Variants in B3GALNT1 observed in about 807,000 individuals in gnomAD.
B3GALNT1 encodes beta-1,3-N-acetylgalactosaminyltransferase 1 (Globoside blood group), also known as UDP-GalNAc:beta-1,3-N-acetylgalactosaminyltransferase 1.
B3GALNT1 carries 17 observed loss-of-function variants against 27.3 expected under a neutral mutation model. The observed-to-expected ratio is 0.62, with a 90% CI of 0.43 to 0.94. The LOEUF is 0.94. B3GALNT1 is among the 40% of genes least tolerant of loss of function. B3GALNT1 has a pLI of 0.00. For missense variants in B3GALNT1, 347 were observed against 390.0 expected, an observed-to-expected ratio of 0.89 and a Z score of 0.93; for synonymous variants, 141 against 144.0, an observed-to-expected ratio of 0.98 and a Z score of 0.15.
rs1181034313 is a variant in B3GALNT1 at position 161,083,925 on chromosome 3, T to C, written c.*1834A>G. The C allele has an allele frequency of 1.3e-5, 2 of 152,232 alleles. No individual in the cohort carries two copies. The highest frequency in any genetic ancestry group is 3.8e-4 in the East Asian group (2 of 5,196). 9.4% of individuals were successfully genotyped at this position (152,232 alleles called of 1,614,324 possible). On this transcript the variant is annotated 3_prime_UTR_variant, in exon 5 of 5. Transcript: ENST00000320474. Reference sequence around the variant, plus strand: ...ACAAACCGGTGTCATTTATTGTCATTATCAGTATTACATACTGTACATAAC... The same window carrying C: ...ACAAACCGGTGTCATTTATTGTCATCATCAGTATTACATACTGTACATAAC...
chr3:161,085,975 T>C lies in B3GALNT1; in HGVS notation c.780A>G (p.Val260=). ...AAACATCTTCAAACTTGATGGGTTT[T>C]ACGTGACCCATCATTTCATAGATCC... is the stretch of plus-strand genomic sequence containing the variant. The part of the protein sequence containing the change: ...VPRIYEMMGH[V]KPIKFEDVYV... Residue 260 remains valine, a synonymous_variant, in exon 5 of 5, where the codon GTA becomes GTG. Transcript: ENST00000320474. 3 of 1,592,506 alleles carry C rather than the reference T, an allele frequency of 1.9e-6. No homozygotes were observed. The highest frequency in any genetic ancestry group is 8.5e-7 in the Non-Finnish European group (1 of 1,170,360).
Position 161,101,177 on chromosome 3 carries a change from A to C in B3GALNT1, c.-73T>G. On this transcript the variant is annotated 5_prime_UTR_variant, in exon 4 of 5. Coordinates refer to ENST00000320474, the MANE Select transcript of B3GALNT1 (RefSeq NM_003781.4). ...GTGAGTAGTCGGAGAGCACCACGTG[A>C]TAGAGCAGCCAGCGGGAAGAGCCAA... 2 of 1,289,880 alleles carry C rather than the reference A, an allele frequency of 1.6e-6. No homozygotes were observed. The highest frequency in any genetic ancestry group is 2.0e-6 in the Non-Finnish European group (2 of 988,878). The allele number at this position is 1,289,880 out of a possible 1,614,324, so 79.9% of individuals were successfully genotyped here.
chr3:161,087,509 T>C (rs945371815), intron 4 of B3GALNT1, among the ~76,000 whole-genome samples: 2 of 152,220 alleles, frequency 1.3e-5, no homozygotes, highest in African/African-American at 2.4e-5. Context: ...TCAGTCTGCA[T>C]AGCAACTGTT....
intron 4 of B3GALNT1, among the ~76,000 whole-genome samples, chr3:161,090,984 T>C (rs933738835): frequency 2.2e-4 from 33 of 152,184 alleles, no homozygotes; most frequent in African/African-American, 7.7e-4. Flanking sequence ...ATGCCACTTA[T>C]AGGCTGGGTG....
intron 4 of B3GALNT1, among the ~76,000 whole-genome samples, chr3:161,097,347 T>C (rs1297943916): frequency 6.6e-6 from 1 of 152,174 alleles, no homozygotes; most frequent in African/African-American, 2.4e-5. Context: ...ACTATATGCT[T>C]CCTCTACATA....
At position 161,095,462 on chromosome 3, in the gene B3GALNT1, A is replaced by G. The variant is rs1727606087; in HGVS notation, c.-35+5677T>C. On this transcript the variant is annotated intron_variant, in intron 4 of 4. Transcript: ENST00000320474. Reference sequence around the variant, plus strand: ...AGGTGCATACTTCACTTGTTAGATAACCTGTCTTTGTAAGTTTATACTTGG... The same window carrying G: ...AGGTGCATACTTCACTTGTTAGATAGCCTGTCTTTGTAAGTTTATACTTGG... 2.0e-5 allele frequency among the ~76,000 whole-genome samples: 3 copies of G among 152,168 alleles called. No individual in the cohort carries two copies. In the East Asian group the frequency reaches 5.8e-4, roughly 29 times the overall value.
intron 4 of B3GALNT1, among the ~76,000 whole-genome samples, chr3:161,092,325 C>T (rs1267007989): frequency 8.5e-5 from 13 of 152,064 alleles, no homozygotes; most frequent in South Asian, 4.1e-4. Flanking sequence ...AGAAATAAAA[C>T]GTTGAGTATA....
At position 161,103,197 on chromosome 3, in the gene B3GALNT1, G is replaced by C. The variant is rs34853143; in HGVS notation, c.-130+230C>G. On this transcript the variant is annotated intron_variant, in intron 3 of 4. Transcript: ENST00000320474. ...AGTCCAGCCTGGGAAACATAAAGTGGCCTTGTCTCTATTTTTCAAGCAAGA... is the reference window on the plus strand; with the variant it reads ...AGTCCAGCCTGGGAAACATAAAGTGCCCTTGTCTCTATTTTTCAAGCAAGA... 1.6e-3 allele frequency: 344 copies of C among 217,630 alleles called. 1 individual carries two copies. Among genetic ancestry groups the C allele is most frequent in the African/African-American group, 7.6e-3 (323 of 42,544 alleles). 13.5% of individuals were successfully genotyped at this position (217,630 alleles called of 1,614,324 possible).
intron 4 of B3GALNT1, among the ~76,000 whole-genome samples, chr3:161,099,151 T>C (rs1225888537): frequency 3.3e-5 from 5 of 152,212 alleles, no homozygotes; most frequent in Non-Finnish European, 7.3e-5. Flanking sequence ...CAGAGACTTG[T>C]CCTCCTGCTG....
At chr3:161,091,319 G>C (rs1038031026) in intron 4 of B3GALNT1, among the ~76,000 whole-genome samples, 7 of 152,092 alleles carry the variant, frequency 4.6e-5, no homozygotes, top group Non-Finnish European at 8.8e-5. Flanking sequence ...ATGCCAATTA[G>C]AAATGTCTAG....
chr3:161,091,666 C>T (rs1312553485), intron 4 of B3GALNT1, among the ~76,000 whole-genome samples: 1 of 152,172 alleles, frequency 6.6e-6, no homozygotes, highest in African/African-American at 2.4e-5. Flanking sequence ...AAGTAGGATG[C>T]TGACACTTCA....
chr3:161,099,938 T>C (rs35857354), intron 4 of B3GALNT1, among the ~76,000 whole-genome samples: 6 of 152,262 alleles, frequency 3.9e-5, no homozygotes, highest in Non-Finnish European at 7.4e-5. Context: ...ACTAACAAGT[T>C]AGAAGAGGGT....
chr3:161,101,324 G>A (rs1335009496), intron 3 of B3GALNT1, 91 bp from the exon 4 acceptor site: 2 of 745,800 alleles, frequency 2.7e-6, no homozygotes, highest in Admixed American at 2.4e-5. Context: ...GTTACAAAGA[G>A]CTTTATCCAC....
At chr3:161,104,933 G>C (rs1201069665) in intron 1 of B3GALNT1, 1 of 152,518 alleles carries the variant, frequency 6.6e-6, no homozygotes, top group Non-Finnish European at 1.5e-5. Context: ...CGGATGCGGC[G>C]CGGCCGCGGC....
intron 1 of B3GALNT1, chr3:161,105,032 C>A (rs1733603589): frequency 6.6e-6 from 1 of 152,470 alleles, no homozygotes; most frequent in South Asian, 2.1e-4. Context: ...GTCACCGAGA[C>A]CCGAGACCCA....
In B3GALNT1 at chr3:161,086,685, G is replaced by C; in HGVS notation, c.70C>G (p.Leu24Val). The C allele has an allele frequency of 6.2e-7, 1 of 1,614,210 alleles. No homozygotes were observed. The highest frequency in any genetic ancestry group is 1.1e-5 in the South Asian group (1 of 91,086). The change falls in exon 5 of 5, where the codon CTG (leucine) becomes GTG (valine). Residue 24 changes from leucine (L) to valine (V), a missense_variant. Coordinates refer to ENST00000320474, the MANE Select transcript of B3GALNT1 (RefSeq NM_003781.4). ...ACAAAGAAACTCAGGAGTGACAGCA[G>C]CAGGAGGCTCCATTTGAGGGATCTC... ...SLRSLKWSLL[L>V]LSLLSFFVMW...
Position 161,098,146 on chromosome 3 carries a change from G to A in B3GALNT1, c.-35+2993C>T, listed in dbSNP as rs137996117. On this transcript the variant is annotated intron_variant, in intron 4 of 4. Transcript: ENST00000320474. ...TTATATTTCCATTCGTTTGATGACT[G>A]CCGCAATCTTATGAAGTAGGCACCA... is the stretch of plus-strand genomic sequence containing the variant. Among the ~76,000 whole-genome samples, 224 of 152,214 alleles carry A rather than the reference G, an allele frequency of 1.5e-3. 1 individual carries two copies. Among genetic ancestry groups the A allele is most frequent in the African/African-American group, 4.9e-3 (205 of 41,520 alleles).
chr3:161,104,130 C>T (rs1166667205), intron 2 of B3GALNT1, 189 bp downstream of exon 2: 2 of 344,948 alleles, frequency 5.8e-6, no homozygotes, highest in Admixed American at 8.5e-5. Context: ...AAGTCATAGT[C>T]TCTTATCTGT....
intron 1 of B3GALNT1, chr3:161,104,889 T>A (rs555254354): frequency 6.5e-6 from 1 of 152,898 alleles, no homozygotes; most frequent in Admixed American, 6.5e-5. Flanking sequence ...AAGGCAGGTA[T>A]TGCACCCTGG....
Sources: gnomAD v4.1 joint callset for allele counts (sites outside exome capture counted in the v4.1 genomes callset) on GRCh38, gnomAD v4.1.1 for gene constraint, MANE v1.5 for transcripts, NCBI Gene and HGNC (gene_info 2026-07-23, HGNC 2026-07-21) for gene names.